Variants in MYH8 observed in about 807,000 individuals in gnomAD.
The protein encoded by MYH8 is myosin heavy chain 8, also known as myosin-8.
Under a neutral mutation model 233.2 loss-of-function variants are expected in MYH8, and 168 were observed. The ratio of observed to expected loss-of-function variants is 0.72; its 90% CI spans 0.64 to 0.82. MYH8 has a LOEUF of 0.82. Among genes scored for constraint, MYH8 ranks in the 40% least tolerant of loss-of-function variants. The pLI is 0.00. For synonymous variants in MYH8, 785 were observed against 850.6 expected (o/e 0.92, Z 1.34); for missense variants, 1,995 against 2,327.8 (o/e 0.86, Z 2.94).
At position 10,417,376 on chromosome 17, in the gene MYH8, C is replaced by T. The variant is rs569371661; in HGVS notation, c.511+1269G>A. On this transcript the variant is annotated intron_variant, in intron 5 of 39. Coordinates refer to ENST00000403437, the MANE Select transcript of MYH8 (RefSeq NM_002472.3). This position sits in a 1 kb window ranked among gnomAD's most constrained non-coding sequence, Gnocchi z 4.1. ...ACTTTAGCCTTCTCTTCAGGGAAGTCGATGCAGATTTTGCATCCTATTCAG... is the reference window on the plus strand; with the variant it reads ...ACTTTAGCCTTCTCTTCAGGGAAGTTGATGCAGATTTTGCATCCTATTCAG... Among the ~76,000 whole-genome samples, 4 of 152,240 alleles carry T rather than the reference C, an allele frequency of 2.6e-5. No homozygotes were observed. The highest frequency in any genetic ancestry group is 2.1e-4 in the South Asian group (1 of 4,816).
chr17:10,415,210 G>A lies in MYH8; in HGVS notation c.742-31C>T. 5 of 1,605,698 alleles carry A rather than the reference G, an allele frequency of 3.1e-6. No individual in the cohort carries two copies. Among genetic ancestry groups the A allele is most frequent in the Non-Finnish European group, 4.3e-6 (5 of 1,172,382 alleles). On this transcript the variant is annotated intron_variant, in intron 8 of 39. Transcript: ENST00000403437. This position sits in a 1 kb window ranked among gnomAD's most constrained non-coding sequence, Gnocchi z 4.1. ...AAAGAATATTTAGTATTAGAAAACTGAAACACAAAGAGAGATGCAAATGAA... is the reference window on the plus strand; with the variant it reads ...AAAGAATATTTAGTATTAGAAAACTAAAACACAAAGAGAGATGCAAATGAA...
chr17:10,400,060 A>G lies in MYH8; in HGVS notation c.3735+330T>C, dbSNP rs1241641929. 6.6e-6 allele frequency among the ~76,000 whole-genome samples: 1 copy of G among 152,088 alleles called. No individual in the cohort carries two copies. The highest frequency in any genetic ancestry group is 1.5e-5 in the Non-Finnish European group (1 of 68,016). On this transcript the variant is annotated intron_variant, in intron 27 of 39. Coordinates refer to ENST00000403437, the MANE Select transcript of MYH8 (RefSeq NM_002472.3). This position sits in a 1 kb window ranked among gnomAD's most constrained non-coding sequence, Gnocchi z 4.0. ...CTACTAAAAATACAAAAAATTAGCT[A>G]GGCGTGCTGGCGGGCGCCTGTAGTC... is the stretch of plus-strand genomic sequence containing the variant.
Position 10,415,643 on chromosome 17 carries a change from C to A in MYH8, c.539+38G>T, listed in dbSNP as rs749201130. On this transcript the variant is annotated intron_variant, in intron 6 of 39. Transcript: ENST00000403437. This position sits in a 1 kb window ranked among gnomAD's most constrained non-coding sequence, Gnocchi z 4.1. ...TGGCCTGCATTGTCAACATCTAAGA[C>A]AATCCTTGCAAATCAGAGAAGAAAA... The A allele has an allele frequency of 6.2e-7, 1 of 1,613,746 alleles. No homozygotes were observed.
In MYH8 at chr17:10,400,482, G is replaced by T. The variant is rs1403404409; in HGVS notation, c.3643C>A (p.Arg1215=). The T allele has an allele frequency of 6.2e-7, 1 of 1,613,986 alleles. No homozygotes were observed. The highest frequency in any genetic ancestry group is 1.1e-5 in the South Asian group (1 of 91,062). The change falls in exon 27 of 40, where the codon CGG becomes AGG. Residue 1215 remains arginine, a synonymous_variant. Transcript: ENST00000403437. The surrounding 1 kb of genome is among the most constrained non-coding windows in gnomAD (Gnocchi z 4.0). ...TCCTTCTCCAGCTTCTGTTTGACCC[G>T]CTGCAAGTTGTCAATCTGCTCCCCA... The part of the protein sequence containing the change: ...ELGEQIDNLQ[R]VKQKLEKEKS...
In MYH8 at chr17:10,401,349, C is replaced by T; in HGVS notation, c.3034G>A (p.Asp1012Asn). ...ACTTTGTCCTCCTCTGCCTGCAGGT[C>T]ATCCAGGGTCTGCTGGTGGGTCTCT... ...LQETHQQTLD[D>N]LQAEEDKVNI... Residue 1012 changes from aspartate (D) to asparagine (N), a missense_variant, in exon 24 of 40, where the codon GAC (aspartate) becomes AAC (asparagine). By Grantham distance (23) the Asp-to-Asn change is conservative. Around this residue, in one of 3 missense-constraint regions of MYH8, gnomAD observed 1,498 missense variants for 1,680.9 expected, o/e 0.89. Coordinates refer to ENST00000403437, the MANE Select transcript of MYH8 (RefSeq NM_002472.3). The T allele has an allele frequency of 6.2e-7, 1 of 1,614,164 alleles. No homozygotes were observed. Among genetic ancestry groups the T allele is most frequent in the Non-Finnish European group, 8.5e-7 (1 of 1,180,026 alleles).
In MYH8 at chr17:10,414,320, C is replaced by T. The variant is rs144988395; in HGVS notation, c.905-25G>A. ...TCTGGGTCACAGAATTCAGGGCATA[C>T]ATTTTACATTAGACATTGTTAATAA... On this transcript the variant is annotated intron_variant, in intron 10 of 39. Coordinates refer to ENST00000403437, the MANE Select transcript of MYH8 (RefSeq NM_002472.3). 2.7e-4 allele frequency: 441 copies of T among 1,606,740 alleles called. 3 individuals carry two copies. In the Admixed American group the frequency reaches 6.6e-3, roughly 24 times the overall value.
intron 2 of MYH8, among the ~76,000 whole-genome samples, 172 bp downstream of exon 2, chr17:10,421,488 GAGA>G (rs1188665591): frequency 3.3e-5 from 5 of 152,112 alleles, no homozygotes; most frequent in Non-Finnish European, 7.4e-5. Flanking sequence ...GATAGTCTCT[GAGA>G]AGAAGACATT....
Position 10,404,596 on chromosome 17 carries a change from A to G in MYH8, c.2433-11T>C, listed in dbSNP as rs1454788601. ...CAGAAAAGTGCTTCTCTGCGATGACATGAAAATATCAGTGTAGACTAATCC... is the reference window on the plus strand; with the variant it reads ...CAGAAAAGTGCTTCTCTGCGATGACGTGAAAATATCAGTGTAGACTAATCC... On this transcript the variant is annotated splice_polypyrimidine_tract_variant and intron_variant, in intron 21 of 39. Transcript: ENST00000403437. The G allele has an allele frequency of 6.2e-7, 1 of 1,613,874 alleles. No individual in the cohort carries two copies. The highest frequency in any genetic ancestry group is 8.5e-7 in the Non-Finnish European group (1 of 1,179,784).
chr17:10,394,168 T>C, intron 35 of MYH8, 81 bp downstream of exon 35: 2 of 1,559,558 alleles, frequency 1.3e-6, no homozygotes, highest in Non-Finnish European at 1.8e-6. Context: ...CACATATTTA[T>C]ACAAATTGAG....
chr17:10,394,506 C>T, intron 34 of MYH8, 54 bp from the exon 35 acceptor site: 1 of 1,587,644 alleles, frequency 6.3e-7, no homozygotes, highest in Non-Finnish European at 8.6e-7. Context: ...ATTTGAAGAT[C>T]CCAGGAGATG....
chr17:10,394,161 A>G (rs1395321459), intron 35 of MYH8, 88 bp downstream of exon 35: 1 of 1,529,928 alleles, frequency 6.5e-7, no homozygotes, highest in East Asian at 2.3e-5. Context: ...TTACATACAC[A>G]TATTTATACA....
chr17:10,401,931 A>G lies in MYH8; in HGVS notation c.2689-146T>C, dbSNP rs771830960. On this transcript the variant is annotated intron_variant, in intron 22 of 39. Transcript: ENST00000403437. ...ATTTAATTTAATCGAACATTATTAC[A>G]TGGTCTGGAGAAATGCAGCTTATTG... is the stretch of plus-strand genomic sequence containing the variant. The G allele has an allele frequency of 4.9e-4, 602 of 1,217,998 alleles. 1 individual carries two copies. Among genetic ancestry groups the G allele is most frequent in the Non-Finnish European group, 6.7e-4 (573 of 852,382 alleles). 75.4% of individuals were successfully genotyped at this position (1,217,998 alleles called of 1,614,324 possible).
In MYH8 at chr17:10,413,755, G is replaced by C. The variant is rs9902705; in HGVS notation, c.1147+147C>G. The C allele has an allele frequency of 1.9e-3, 2,242 of 1,172,860 alleles. 29 individuals carry two copies. In the African/African-American group the frequency reaches 0.03, roughly 16 times the overall value. 72.7% of individuals were successfully genotyped at this position (1,172,860 alleles called of 1,614,324 possible). The stretch of plus-strand genomic sequence containing the variant: ...AGACATGGAGATGTAAGGAAGAGAG[G>C]GGGTGAGGAAAGCATGCAGTGTGTG... On this transcript the variant is annotated intron_variant, in intron 12 of 39. Transcript: ENST00000403437.
At chr17:10,404,619 T>G (rs2072174228) in intron 21 of MYH8, 34 bp from the exon 22 acceptor site, 5 of 1,612,950 alleles carry the variant, frequency 3.1e-6, no homozygotes, top group Non-Finnish European at 4.2e-6. Flanking sequence ...TGTAGACTAA[T>G]CCATCAGAGC....
Position 10,399,544 on chromosome 17 carries a change from C to A in MYH8, c.3861G>T (p.Ala1287=). Residue 1287 remains alanine (A), a splice_region_variant and synonymous_variant, in exon 28 of 40, where the codon GCG becomes GCT. Transcript: ENST00000403437. The part of the protein sequence containing the change: ...TAQRARLQTE[A]GEYSRQLDEK... ...GGGACCCAGAGAAGATGTCTTTACC[C>A]GCTTCTGTCTGCAGGCGCGCTCTCT... The A allele has an allele frequency of 6.2e-7, 1 of 1,613,270 alleles. No individual in the cohort carries two copies. The highest frequency in any genetic ancestry group is 8.5e-7 in the Non-Finnish European group (1 of 1,179,980).
chr17:10,397,343 C>T (rs1225789625), intron 30 of MYH8, among the ~76,000 whole-genome samples: 1 of 152,200 alleles, frequency 6.6e-6, no homozygotes, highest in Middle Eastern at 3.2e-3. Context: ...ATCCACCCGC[C>T]TTGGCCTCCC....
rs760999315 is a variant in MYH8, at chr17:10,401,552, C to T, written c.2922G>A (p.Thr974=). The T allele has an allele frequency of 1.8e-5, 29 of 1,614,032 alleles. No individual in the cohort carries two copies. Among genetic ancestry groups the T allele is most frequent in the South Asian group, 3.3e-5 (3 of 91,074 alleles). The change falls in exon 23 of 40, where the codon ACG becomes ACA. Residue 974 remains threonine (T), a synonymous_variant. Coordinates refer to ENST00000403437, the MANE Select transcript of MYH8 (RefSeq NM_002472.3). ...LAKVEKEKHA[T]ENKVKNLTEE... Reference sequence around the variant, plus strand: ...AAAATATGACTGATACCTTGTTCTCCGTGGCATGTTTCTCCTTCTCAACCT... The same window carrying T: ...AAAATATGACTGATACCTTGTTCTCTGTGGCATGTTTCTCCTTCTCAACCT...
At chr17:10,418,349 A>T (rs2072305679) in intron 5 of MYH8, among the ~76,000 whole-genome samples, 1 of 152,258 alleles carries the variant, frequency 6.6e-6, no homozygotes, top group Non-Finnish European at 1.5e-5. Flanking sequence ...AAATATGGAA[A>T]ACAATAAATA....
intron 37 of MYH8, 89 bp from the exon 38 acceptor site, chr17:10,392,735 G>A (rs2072038903): frequency 6.2e-7 from 1 of 1,611,242 alleles, no homozygotes; most frequent in Non-Finnish European, 8.5e-7. Context: ...GGTGTTCCCA[G>A]CCCCAGGACA....
Sources: allele counts gnomAD v4.1 joint callset (sites outside exome capture counted in the v4.1 genomes callset), GRCh38; gene constraint gnomAD v4.1.1; regional missense constraint gnomAD v4.1.1; non-coding constraint Gnocchi (gnomAD v3.1); transcripts MANE v1.5; gene names NCBI Gene and HGNC (gene_info 2026-07-23, HGNC 2026-07-21).